The following PRKN variants were observed in gnomAD, a reference collection of about 807,000 sequenced individuals.
The protein encoded by PRKN is parkin RBR E3 ubiquitin protein ligase.
Under a neutral mutation model 59.5 loss-of-function variants are expected in PRKN, and 56 were observed. The observed-to-expected ratio is 0.94, with a 90% confidence interval of 0.76 to 1.18. PRKN has a LOEUF of 1.18. Ranked by LOEUF, PRKN falls within the 50% of genes most tolerant of loss-of-function variation. The pLI, the probability that PRKN is intolerant of heterozygous loss-of-function variation, is 0.00. For missense variants in PRKN, 657 were observed against 596.4 expected (o/e 1.10, Z -1.06); for synonymous variants, 250 against 222.1 (o/e 1.13, Z -1.12).
chr6:161,628,949 C>A (rs868061833), intron 7 of PRKN, among the ~76,000 whole-genome samples: 2 of 152,098 alleles, frequency 1.3e-5, no homozygotes. Context: ...TTTATAGTTA[C>A]GGGAAATCTT....
intron 2 of PRKN, among the ~76,000 whole-genome samples, chr6:162,404,566 T>C (rs915821820): frequency 6.6e-6 from 1 of 150,850 alleles, no homozygotes; most frequent in African/African-American, 2.5e-5. Flanking sequence ...CTTATGGGTT[T>C]TTGGTTTGTT....
At chr6:161,749,724 G>A (rs1239698828) in intron 7 of PRKN, among the ~76,000 whole-genome samples, 8 of 152,052 alleles carry the variant, frequency 5.3e-5, no homozygotes, top group African/African-American at 1.9e-4. Context: ...GTAATCCCTC[G>A]GCCTCGGGGC....
intron 1 of PRKN, among the ~76,000 whole-genome samples, chr6:162,676,115 C>T (rs1048973349): frequency 2.0e-5 from 3 of 152,060 alleles, no homozygotes; most frequent in African/African-American, 7.2e-5. Context: ...GAGAGGAAGA[C>T]ACTAGTAACA....
chr6:161,818,144 G>C (rs559099885), intron 6 of PRKN, among the ~76,000 whole-genome samples: 1 of 152,094 alleles, frequency 6.6e-6, no homozygotes, highest in Non-Finnish European at 1.5e-5. Context: ...GAAATGGACA[G>C]CTGTGAGGTG....
chr6:162,689,338 G>T (rs888219832), intron 1 of PRKN, among the ~76,000 whole-genome samples: 4 of 151,996 alleles, frequency 2.6e-5, no homozygotes, highest in Non-Finnish European at 5.9e-5. Flanking sequence ...GAACACTGAA[G>T]ATCTGTTAAA....
Position 161,546,348 on chromosome 6 carries a change from A to G in PRKN, c.1083+2506T>C, listed in dbSNP as rs984440830. Among the ~76,000 whole-genome samples the G allele has an allele frequency of 2.6e-5, 4 of 152,200 alleles. No homozygotes were observed. The highest frequency in any genetic ancestry group is 9.6e-5 in the African/African-American group (4 of 41,460). On this transcript the variant is annotated intron_variant, in intron 9 of 11. Coordinates refer to ENST00000366898, the MANE Select transcript of PRKN (RefSeq NM_004562.3). This position sits in a 1 kb window ranked among gnomAD's most constrained non-coding sequence, Gnocchi z 4.4. ...TGAAGCCAGGGTTTGAACTTCACAC[A>G]TTCAACGCCACCCTTTTTAAATCAC...
At chr6:161,507,807 T>G (rs1412499012) in intron 9 of PRKN, among the ~76,000 whole-genome samples, 1 of 152,202 alleles carries the variant, frequency 6.6e-6, no homozygotes, top group Non-Finnish European at 1.5e-5. Flanking sequence ...TATATTTTCA[T>G]AACGGGTTTT....
At chr6:161,881,842 A>G (rs1255257169) in intron 6 of PRKN, among the ~76,000 whole-genome samples, 3 of 152,128 alleles carry the variant, frequency 2.0e-5, no homozygotes, top group Non-Finnish European at 4.4e-5. Flanking sequence ...TGGCAAACCC[A>G]CTAGTGTCCA....
intron 9 of PRKN, among the ~76,000 whole-genome samples, chr6:161,478,461 ATG>A (rs1233280857): frequency 1.3e-5 from 2 of 152,184 alleles, no homozygotes; most frequent in Admixed American, 1.3e-4. Context: ...ATAGTTACAC[ATG>A]TGATAATTGA....
chr6:161,703,839 CTTTTTTTTTTTTTTTTTTTTTT>C (rs71004062), intron 7 of PRKN, among the ~76,000 whole-genome samples: 7 of 59,858 alleles, frequency 1.2e-4, no homozygotes, highest in African/African-American at 3.0e-4. Flanking sequence ...CTCTCTCTCT[CTTTTTTTTTTTTTTTTTTTTTT>C]TTTTTTTTTT....
chr6:161,938,989 T>C (rs1779453995), intron 6 of PRKN, among the ~76,000 whole-genome samples: 1 of 152,170 alleles, frequency 6.6e-6, no homozygotes, highest in African/African-American at 2.4e-5. Flanking sequence ...TGCCTGAGAG[T>C]CATGACTTTG....
At chr6:162,103,729 C>T (rs2128300020) in intron 4 of PRKN, among the ~76,000 whole-genome samples, 1 of 152,222 alleles carries the variant, frequency 6.6e-6, no homozygotes, top group East Asian at 1.9e-4. Context: ...CTTCTGAGCC[C>T]AGAAAGGCCC....
At chr6:162,623,654 T>C (rs1046992931) in intron 1 of PRKN, among the ~76,000 whole-genome samples, 3 of 152,100 alleles carry the variant, frequency 2.0e-5, no homozygotes, top group Admixed American at 6.6e-5. Flanking sequence ...TCCTGCTTCA[T>C]TTGTCTTAAA....
chr6:161,924,564 T>C (rs1321101278), intron 6 of PRKN, among the ~76,000 whole-genome samples: 1 of 152,308 alleles, frequency 6.6e-6, no homozygotes, highest in South Asian at 2.1e-4. Context: ...TTTCAGAGTC[T>C]AATGGCCGAA....
chr6:162,415,708 T>C (rs1335225950), intron 2 of PRKN, among the ~76,000 whole-genome samples: 1 of 152,012 alleles, frequency 6.6e-6, no homozygotes, highest in Admixed American at 6.6e-5. Flanking sequence ...TCCCAGCTAC[T>C]TGGGAGGCTG....
At chr6:162,411,120 T>C (rs1008584423) in intron 2 of PRKN, among the ~76,000 whole-genome samples, 2 of 152,132 alleles carry the variant, frequency 1.3e-5, no homozygotes, top group Non-Finnish European at 2.9e-5. Context: ...AAGAGAAATA[T>C]GGTGGAATTT....
chr6:161,865,107 T>A (rs1045205698), intron 6 of PRKN, among the ~76,000 whole-genome samples: 2 of 152,220 alleles, frequency 1.3e-5, no homozygotes, highest in Non-Finnish European at 2.9e-5. Context: ...ACAACATTCA[T>A]GTCCTTGTAC....
At chr6:162,201,098 T>C (rs772670962) in intron 4 of PRKN, 33 bp downstream of exon 4, 42 of 1,611,788 alleles carry the variant, frequency 2.6e-5, no homozygotes, top group Admixed American at 3.3e-5. Flanking sequence ...TTCATTTTCC[T>C]GGCAGTCTCA....
At chr6:162,658,658 C>CAAAAAAAAAAAAAGAA (rs1778752240) in intron 1 of PRKN, among the ~76,000 whole-genome samples, 1 of 109,102 alleles carries the variant, frequency 9.2e-6, no homozygotes, top group Non-Finnish European at 1.9e-5. Context: ...GAGACTCTGT[C>CAAAAAAAAAAAAAGAA]AAAAAAAAAA....
Sources: allele counts gnomAD v4.1 joint callset (sites outside exome capture counted in the v4.1 genomes callset), GRCh38; gene constraint gnomAD v4.1.1; non-coding constraint Gnocchi (gnomAD v3.1); transcripts MANE v1.5; gene names NCBI Gene and HGNC (gene_info 2026-07-23, HGNC 2026-07-21).